The following ZNF366 variants were observed in gnomAD, a reference collection of about 807,000 sequenced individuals.
ZNF366 encodes zinc finger protein 366.
A neutral mutation model predicts 47.2 loss-of-function variants in ZNF366; 20 were observed. The observed-to-expected ratio is 0.42, with a 90% CI of 0.30 to 0.62. The LOEUF (loss-of-function observed/expected upper bound fraction) is 0.62, where lower values mean the gene tolerates loss of function less well. Among genes scored for constraint, ZNF366 ranks in the 20% least tolerant of loss-of-function variants. The probability of loss-of-function intolerance (pLI) is 0.16; values close to 1 mark genes in which losing one functional copy is unlikely to be tolerated. For missense variants in ZNF366, 987 were observed against 976.3 expected (o/e 1.01, Z -0.15); for synonymous variants, 421 against 395.1 (o/e 1.07, Z -0.78).
At position 72,504,635 on chromosome 5, in the gene ZNF366, A is replaced by C. The variant is rs140014151; in HGVS notation, c.-15+2616T>G. On this transcript the variant is annotated intron_variant, in intron 1 of 4. Transcript: ENST00000318442. ...CCCAACTCTAAAGCTGTGAGGAATA[A>C]TATCTGCTCTGATAGATCCTTGGTA... is the stretch of plus-strand genomic sequence containing the variant. Among the ~76,000 whole-genome samples the C allele has an allele frequency of 6.0e-3, 908 of 152,338 alleles. 8 individuals are homozygous for C. The highest frequency in any genetic ancestry group is 0.027 in the Middle Eastern group (8 of 294).
At chr5:72,478,944 C>G (rs1743727995) in intron 1 of ZNF366, among the ~76,000 whole-genome samples, 1 of 152,186 alleles carries the variant, frequency 6.6e-6, no homozygotes, top group Non-Finnish European at 1.5e-5. Context: ...ATAAATGACT[C>G]TTATAAACAC....
chr5:72,443,793 C>T lies in ZNF366; in HGVS notation c.2198G>A (p.Arg733Lys). 1 of 1,613,456 alleles carries T rather than the reference C, an allele frequency of 6.2e-7. No individual in the cohort carries two copies. Among genetic ancestry groups the T allele is most frequent in the Non-Finnish European group, 8.5e-7 (1 of 1,179,824 alleles). The part of the protein sequence containing the change: ...RDESLKELLE[R>K]KMEKQAVLLG... ...AAGCACTGCTTGTTTTTCCATTTTCCTCTCCAGTAATTCTTTCAAACTCTC... is the reference window on the plus strand; with the variant it reads ...AAGCACTGCTTGTTTTTCCATTTTCTTCTCCAGTAATTCTTTCAAACTCTC... Residue 733 changes from arginine to lysine, a missense_variant, in exon 5 of 5, where the codon AGG becomes AAG. Arg to Lys is a conservative substitution (Grantham distance 26). Around this residue, in one of 3 missense-constraint regions of ZNF366, gnomAD observed 285 missense variants for 234.8 expected, o/e 1.21. Coordinates refer to ENST00000318442, the MANE Select transcript of ZNF366 (RefSeq NM_152625.3).
At position 72,461,512 on chromosome 5, in the gene ZNF366, T is replaced by C. The variant is rs1449723929; in HGVS notation, c.-14-2A>G. 1 of 1,525,694 alleles carries C rather than the reference T, an allele frequency of 6.6e-7. No homozygotes were observed. Among genetic ancestry groups the C allele is most frequent in the Non-Finnish European group, 8.8e-7 (1 of 1,139,380 alleles). The allele number at this position is 1,525,694 out of a possible 1,614,324, so 94.5% of individuals were successfully genotyped here. On this transcript the variant is annotated splice_acceptor_variant, in intron 1 of 4. Transcript: ENST00000318442. LOFTEE classifies it low-confidence loss of function (5UTR_SPLICE). ...CCTTCTGCATCCTTGGCAATTTTCC[T>C]TTAAAGAGAAAGAAACTTGTGTGTT...
At chr5:72,481,508 C>G (rs1361832015) in intron 1 of ZNF366, among the ~76,000 whole-genome samples, 2 of 152,164 alleles carry the variant, frequency 1.3e-5, no homozygotes, top group African/African-American at 4.8e-5. Flanking sequence ...ATCCTTGTTA[C>G]ATCTCTATCA....
Position 72,444,084 on chromosome 5 carries a change from G to C in ZNF366, c.1907C>G (p.Ala636Gly). ...YEVEPYSPGL[A>G]PQSQQLCTPE... is the part of the protein sequence containing the mutation. ...TGTGCAGAGCTGCTGGCTCTGGGGG[G>C]CCAGGCCAGGGCTGTAGGGCTCCAC... is the stretch of plus-strand genomic sequence containing the variant. Residue 636 changes from alanine to glycine, a missense_variant, in exon 5 of 5, where the codon GCC becomes GGC. By Grantham distance (60) the Ala-to-Gly change is moderately conservative. Around this residue, in one of 3 missense-constraint regions of ZNF366, gnomAD observed 285 missense variants for 234.8 expected, o/e 1.21. Coordinates refer to ENST00000318442, the MANE Select transcript of ZNF366 (RefSeq NM_152625.3). 1 of 1,614,118 alleles carries C rather than the reference G, an allele frequency of 6.2e-7. No individual in the cohort carries two copies. Among genetic ancestry groups the C allele is most frequent in the Middle Eastern group, 1.6e-4 (1 of 6,062 alleles).
chr5:72,477,356 T>C (rs1182386551), intron 1 of ZNF366, among the ~76,000 whole-genome samples: 1 of 152,160 alleles, frequency 6.6e-6, no homozygotes. Flanking sequence ...TGTGGAGGAA[T>C]GGGAGGATAT....
At chr5:72,488,215 A>G (rs933292024) in intron 1 of ZNF366, among the ~76,000 whole-genome samples, 12 of 100,474 alleles carry the variant, frequency 1.2e-4, no homozygotes, top group African/African-American at 3.4e-4. Context: ...CATCTGAAAG[A>G]AAAAAAAAAA....
In ZNF366 at chr5:72,507,377, G is replaced by A. The variant is rs756535411; in HGVS notation, c.-141C>T. On this transcript the variant is annotated 5_prime_UTR_variant, in exon 1 of 5. Coordinates refer to ENST00000318442, the MANE Select transcript of ZNF366 (RefSeq NM_152625.3). Reference sequence around the variant, plus strand: ...AGATTGCAGGGAACTTAAAGAACTCGCAGGGACAGTGTTTCGAATGACTTA... The same window carrying A: ...AGATTGCAGGGAACTTAAAGAACTCACAGGGACAGTGTTTCGAATGACTTA... 40 of 985,216 alleles carry A rather than the reference G, an allele frequency of 4.1e-5. No homozygotes were observed. The highest frequency in any genetic ancestry group is 1.9e-4 in the South Asian group (4 of 21,282). The allele number at this position is 985,216 out of a possible 1,614,324, so 61.0% of individuals were successfully genotyped here. A position where few individuals can be genotyped will look rare whatever the true frequency, so the allele number is the denominator to read the frequency against.
chr5:72,500,124 G>A (rs1463799341), intron 1 of ZNF366, among the ~76,000 whole-genome samples: 1 of 152,170 alleles, frequency 6.6e-6, no homozygotes, highest in Admixed American at 6.5e-5. Context: ...GGAGAAGCGG[G>A]TCCTCCCTTT....
intron 1 of ZNF366, among the ~76,000 whole-genome samples, chr5:72,486,468 A>G (rs1156439456): frequency 6.6e-6 from 1 of 152,188 alleles, no homozygotes; most frequent in Non-Finnish European, 1.5e-5. Context: ...GGCTCCTCCC[A>G]ACATCCTGTG....
chr5:72,492,618 T>C (rs1008236469), intron 1 of ZNF366, among the ~76,000 whole-genome samples: 1 of 152,182 alleles, frequency 6.6e-6, no homozygotes, highest in Admixed American at 6.5e-5. Context: ...CAAAAACAAC[T>C]GTTTCTATAA....
At chr5:72,465,982 G>A (rs2112332911) in intron 1 of ZNF366, among the ~76,000 whole-genome samples, 1 of 152,340 alleles carries the variant, frequency 6.6e-6, no homozygotes, top group South Asian at 2.1e-4. Context: ...ACACTAGACA[G>A]TATGCTGCCC....
chr5:72,463,854 T>C (rs1337918791), intron 1 of ZNF366, among the ~76,000 whole-genome samples: 1 of 152,260 alleles, frequency 6.6e-6, no homozygotes, highest in African/African-American at 2.4e-5. Flanking sequence ...CAAGAATTTG[T>C]TGCATCTATA....
At position 72,447,314 on chromosome 5, in the gene ZNF366, G is replaced by T; in HGVS notation, c.1628C>A (p.Thr543Asn). The change falls in exon 4 of 5, where the codon ACC (threonine) becomes AAC (asparagine). Residue 543 changes from threonine to asparagine, a missense_variant. Around this residue, in one of 3 missense-constraint regions of ZNF366, gnomAD observed 111 missense variants for 180.5 expected, o/e 0.61. Coordinates refer to ENST00000318442, the MANE Select transcript of ZNF366 (RefSeq NM_152625.3). ...GTGGCGTGTCAGGTTCCCCTTCAGG[G>T]TGAATTTGCTTGGGCAATAGAGGCA... ...FKCLYCPSKF[T>N]LKGNLTRHMK... 1 of 1,614,198 alleles carries T rather than the reference G, an allele frequency of 6.2e-7. No homozygotes were observed. The highest frequency in any genetic ancestry group is 1.1e-5 in the South Asian group (1 of 91,084).
intron 1 of ZNF366, among the ~76,000 whole-genome samples, chr5:72,492,274 G>A (rs1744027723): frequency 6.6e-6 from 1 of 152,138 alleles, no homozygotes; most frequent in African/African-American, 2.4e-5. Context: ...AATTCTGTAA[G>A]GCAGAAAATG....
intron 1 of ZNF366, among the ~76,000 whole-genome samples, chr5:72,483,237 G>A (rs1743823329): frequency 6.6e-6 from 1 of 152,184 alleles, no homozygotes; most frequent in Non-Finnish European, 1.5e-5. Context: ...AATGTCTTGG[G>A]TAGTAACTCA....
rs140439481 is a variant in ZNF366 at position 72,460,953 on chromosome 5, G to C, written c.544C>G (p.Pro182Ala). ...TPYPYYPKVH[P>A]GLMFPFFVPS... ...ACGAAGAAGGGGAACATGAGGCCCGGGTGGACTTTGGGGTAGTAGGGGTAG... is the reference window on the plus strand; with the variant it reads ...ACGAAGAAGGGGAACATGAGGCCCGCGTGGACTTTGGGGTAGTAGGGGTAG... The change falls in exon 2 of 5, where the codon CCG (proline) becomes GCG (alanine). Residue 182 changes from proline to alanine, a missense_variant. Pro to Ala is a conservative substitution (Grantham distance 27). Transcript: ENST00000318442. The C allele has an allele frequency of 6.3e-5, 102 of 1,612,534 alleles. No individual in the cohort carries two copies. The African/African-American group carries it at 1.3e-3, about 20-fold the overall frequency.
chr5:72,459,958 G>A (rs560252602), intron 2 of ZNF366, among the ~76,000 whole-genome samples: 1 of 152,330 alleles, frequency 6.6e-6, no homozygotes, highest in Non-Finnish European at 1.5e-5. Context: ...AGGCTGCTGG[G>A]GCAAAGGGCT....
chr5:72,445,527 T>C (rs1258915770), intron 4 of ZNF366, among the ~76,000 whole-genome samples: 2 of 152,198 alleles, frequency 1.3e-5, no homozygotes, highest in African/African-American at 2.4e-5. Flanking sequence ...AAATAAAAGC[T>C]AATACCCTTT....
Sources: gnomAD v4.1 joint callset for allele counts (sites outside exome capture counted in the v4.1 genomes callset) on GRCh38, gnomAD v4.1.1 for gene constraint, gnomAD v4.1.1 regional missense constraint, MANE v1.5 for transcripts, NCBI Gene and HGNC (gene_info 2026-07-23, HGNC 2026-07-21) for gene names.